The following ARHGAP22 variants were observed in gnomAD, a reference collection of about 807,000 sequenced individuals.
ARHGAP22 encodes the protein Rho GTPase activating protein 22.
Under a neutral mutation model 59.1 loss-of-function variants are expected in ARHGAP22, and 48 were observed. The ratio of observed to expected loss-of-function variants is 0.81; its 90% CI spans 0.64 to 1.03. The LOEUF (loss-of-function observed/expected upper bound fraction) is 1.03, where lower values mean the gene tolerates loss of function less well. Among genes scored for constraint, ARHGAP22 ranks in the 50% least tolerant of loss-of-function variants. ARHGAP22 has a pLI of 0.00. For synonymous variants in ARHGAP22, 445 were observed against 416.4 expected (o/e 1.07, Z -0.84); for missense variants, 1,015 against 958.7 (o/e 1.06, Z -0.78).
At chr10:48,484,405 TG>T (rs750348845) in intron 3 of ARHGAP22, among the ~76,000 whole-genome samples, 1 of 152,236 alleles carries the variant, frequency 6.6e-6, no homozygotes, top group Non-Finnish European at 1.5e-5. Context: ...GCTAAAATTT[TG>T]TTAAAAATAT....
At chr10:48,488,222 G>T (rs2050039138) in intron 3 of ARHGAP22, among the ~76,000 whole-genome samples, 1 of 152,142 alleles carries the variant, frequency 6.6e-6, no homozygotes, top group African/African-American at 2.4e-5. Flanking sequence ...ATCTCTAGAA[G>T]TTTAATTTAG....
intron 3 of ARHGAP22, among the ~76,000 whole-genome samples, chr10:48,489,060 G>T (rs2050118798): frequency 6.6e-6 from 1 of 152,134 alleles, no homozygotes; most frequent in Non-Finnish European, 1.5e-5. Flanking sequence ...AACGTATTTT[G>T]AAAGCATTGT....
chr10:48,459,761 G>C lies in ARHGAP22; in HGVS notation c.582C>G (p.Phe194Leu). 4 of 1,614,060 alleles carry C rather than the reference G, an allele frequency of 2.5e-6. No individual in the cohort carries two copies. The highest frequency in any genetic ancestry group is 1.1e-5 in the South Asian group (1 of 91,090). ...RERGLTEEGLFRMPGQANLVR... is the reference protein window; with the variant it reads ...RERGLTEEGLLRMPGQANLVR... ...CCAGGTTGGCCTGGCCTGGCATGCG[G>C]AACAGCCCCTCCTCAGTGAGCCCGC... The change falls in exon 5 of 10, where the codon TTC becomes TTG. Residue 194 changes from phenylalanine to leucine, a missense_variant. Physicochemically the swap from Phe to Leu is conservative, Grantham distance 22. Transcript: ENST00000249601.
rs913644292 is a variant in ARHGAP22, at chr10:48,479,821, A to G, written c.323-57T>C. 7.5e-6 allele frequency: 11 copies of G among 1,463,334 alleles called. No individual in the cohort carries two copies. In the African/African-American group the frequency reaches 1.4e-4, roughly 19 times the overall value. 90.6% of individuals were successfully genotyped at this position (1,463,334 alleles called of 1,614,324 possible). On this transcript the variant is annotated intron_variant, in intron 3 of 9. Coordinates refer to ENST00000249601, the MANE Select transcript of ARHGAP22 (RefSeq NM_021226.4). ...GGTCCCTGCCCGCAGCACACTCTCC[A>G]CCGCCGGCACTAGTCAGCATTACTC...
chr10:48,577,801 G>GTTTTTTTTTTTTTTTTTTTTTTTTTTT (rs34557935), intron 2 of ARHGAP22, among the ~76,000 whole-genome samples: 2 of 59,142 alleles, frequency 3.4e-5, no homozygotes, highest in African/African-American at 6.6e-5. Context: ...CTCTTTTTTG[G>GTTTTTTTTTTTTTTTTTTTTTTTTTTT]TTTTTTTTTT....
intron 3 of ARHGAP22, among the ~76,000 whole-genome samples, chr10:48,549,320 G>A (rs1472430983): frequency 6.6e-6 from 1 of 152,136 alleles, no homozygotes; most frequent in African/African-American, 2.4e-5. Flanking sequence ...GGCTGTTCTT[G>A]GTCCCTCCTG....
chr10:48,458,686 G>A (rs542469668), intron 5 of ARHGAP22, among the ~76,000 whole-genome samples: 1 of 152,288 alleles, frequency 6.6e-6, no homozygotes, highest in East Asian at 1.9e-4. Context: ...CAACCCTAAC[G>A]CTGAGACACA....
At chr10:48,562,081 C>T (rs533662647) in intron 2 of ARHGAP22, among the ~76,000 whole-genome samples, 94 of 152,040 alleles carry the variant, frequency 6.2e-4, no homozygotes, top group African/African-American at 1.9e-3. Context: ...CAAAAATTTG[C>T]GGGGTGTGTT....
At chr10:48,645,803 C>A (rs2062269459) in intron 1 of ARHGAP22, among the ~76,000 whole-genome samples, 1 of 151,362 alleles carries the variant, frequency 6.6e-6, no homozygotes, top group African/African-American at 2.4e-5. Flanking sequence ...CTATCCAGTA[C>A]AATAGACAGT....
rs2062030041 is a variant in ARHGAP22 at position 48,641,185 on chromosome 10, CA to C, written c.52+11048del. On this transcript the variant is annotated intron_variant, in intron 1 of 9. Coordinates refer to the ARHGAP22 transcript ENST00000435790. Reference sequence around the variant, plus strand: ...AAAGAGGGTAAAAGAAAAACAGGAACAAAAAAGAGAAGACATACATAAAACA... The same window carrying C: ...AAAGAGGGTAAAAGAAAAACAGGAACAAAAAGAGAAGACATACATAAAACA... 2.6e-5 allele frequency among the ~76,000 whole-genome samples: 4 copies of C among 151,700 alleles called. 1 individual carries two copies. Among genetic ancestry groups the C allele is most frequent in the Admixed American group, 2.0e-4 (3 of 15,240 alleles).
Position 48,450,955 on chromosome 10 carries a change from T to C in ARHGAP22, c.1174A>G (p.Arg392Gly). The C allele has an allele frequency of 6.3e-7, 1 of 1,579,370 alleles. No individual in the cohort carries two copies. The highest frequency in any genetic ancestry group is 2.3e-5 in the East Asian group (1 of 42,680). Residue 392 changes from arginine (R) to glycine (G), a missense_variant, in exon 9 of 10, where the codon AGG (arginine) becomes GGG (glycine). Arg to Gly is a moderately radical substitution (Grantham distance 125, BLOSUM62 -2). Transcript: ENST00000249601. ...GCCGCCCCGTCCAGGGAAGAGGTCC[T>C]GTGCGCGGGCAGGCCGGGGCCGCCG... The part of the protein sequence containing the change: ...EPGGPGLPAH[R>G]TSSLDGAAVA...
chr10:48,500,880 G>A (rs544209788), intron 3 of ARHGAP22, among the ~76,000 whole-genome samples: 8 of 137,606 alleles, frequency 5.8e-5, no homozygotes, highest in African/African-American at 2.4e-4. Flanking sequence ...GACACAGTGA[G>A]ACTCCGCCTC....
At chr10:48,493,321 A>C in intron 3 of ARHGAP22, 2 of 1,114,330 alleles carry the variant, frequency 1.8e-6, no homozygotes, top group Non-Finnish European at 2.6e-6. Context: ...CATGTCTTTC[A>C]TTTCTCTTTA....
intron 9 of ARHGAP22, 54 bp from the exon 10 acceptor site, chr10:48,446,673 C>T: frequency 6.5e-7 from 1 of 1,533,606 alleles, no homozygotes; most frequent in East Asian, 2.3e-5. Flanking sequence ...GGTTCACTGT[C>T]CCATGGGTAT....
At position 48,456,395 on chromosome 10, in the gene ARHGAP22, G is replaced by T. The variant is rs141170794; in HGVS notation, c.660-1261C>A. Among the ~76,000 whole-genome samples the T allele has an allele frequency of 2.6e-4, 39 of 152,258 alleles. No homozygotes were observed. The East Asian group carries it at 7.4e-3, about 29-fold the overall frequency. On this transcript the variant is annotated intron_variant, in intron 5 of 9. Coordinates refer to ENST00000249601, the MANE Select transcript of ARHGAP22 (RefSeq NM_021226.4). ...GGCTCAGTGACTCTTGGTCTGGCTG[G>T]ATCCAGGCAGCCCCCATCCCACCCT...
intron 3 of ARHGAP22, among the ~76,000 whole-genome samples, chr10:48,510,016 G>T (rs2052589624): frequency 6.6e-6 from 1 of 152,152 alleles, no homozygotes; most frequent in Admixed American, 6.5e-5. Context: ...TCAGCGGTGG[G>T]TTCAAACATA....
intron 2 of ARHGAP22, among the ~76,000 whole-genome samples, chr10:48,576,040 A>G (rs1189166164): frequency 6.6e-6 from 1 of 152,188 alleles, no homozygotes; most frequent in East Asian, 1.9e-4. Flanking sequence ...CGAAGTGAGG[A>G]CCTAGATCCT....
chr10:48,563,835 A>G (rs2057871354), intron 2 of ARHGAP22, among the ~76,000 whole-genome samples: 1 of 152,252 alleles, frequency 6.6e-6, no homozygotes, highest in Admixed American at 6.5e-5. Context: ...TATATTGATT[A>G]CTTGTTGAAA....
chr10:48,501,309 C>T (rs1217935632), intron 3 of ARHGAP22, among the ~76,000 whole-genome samples: 2 of 152,174 alleles, frequency 1.3e-5, no homozygotes, highest in Non-Finnish European at 2.9e-5. Flanking sequence ...TATTTGTTAC[C>T]TATTTTAAAA....
Sources: allele counts gnomAD v4.1 joint callset (sites outside exome capture counted in the v4.1 genomes callset), GRCh38; gene constraint gnomAD v4.1.1; transcripts MANE v1.5; gene names NCBI Gene and HGNC (gene_info 2026-07-23, HGNC 2026-07-21).